The following CHLSN variants were observed in gnomAD, a reference collection of about 807,000 sequenced individuals.
CHLSN encodes the protein protein cholesin.
chr7:1,006,164 G>T, the CHLSN span, among the ~76,000 whole-genome samples: 2 of 152,220 alleles, frequency 1.3e-5, no homozygotes, highest in African/African-American at 4.8e-5. Flanking sequence ...GAAAGTGGAG[G>T]GACTGCTTCC....
chr7:1,078,580 C>A, the CHLSN span, among the ~76,000 whole-genome samples: 25 of 152,192 alleles, frequency 1.6e-4, no homozygotes, highest in South Asian at 8.3e-4. Flanking sequence ...TAACGCCCCC[C>A]ACGCCGGTTC....
At chr7:986,578 C>A in the CHLSN span, 1 of 1,603,340 alleles carries the variant, frequency 6.2e-7, no homozygotes, top group South Asian at 1.1e-5. Flanking sequence ...CAGCGTGCAG[C>A]CCTGGGGCTG....
chr7:1,132,738 GAAAATACC>G, the CHLSN span, among the ~76,000 whole-genome samples: 3 of 112,952 alleles, frequency 2.7e-5, no homozygotes, highest in Non-Finnish European at 1.7e-5. Context: ...TAGTATTGGA[GAAAATACC>G]TGCAAATCAC....
chr7:993,066 G>A, the CHLSN span, among the ~76,000 whole-genome samples: 6 of 152,190 alleles, frequency 3.9e-5, no homozygotes, highest in East Asian at 1.2e-3. Flanking sequence ...GCTTGGAGGA[G>A]TCTGTAGGAT....
the CHLSN span, chr7:984,352 G>A: frequency 6.8e-7 from 1 of 1,466,712 alleles, no homozygotes; most frequent in Non-Finnish European, 8.9e-7. Flanking sequence ...CGGCCTGAGG[G>A]GACCTAAGGG....
At chr7:984,361 G>T in the CHLSN span, 1 of 1,535,770 alleles carries the variant, frequency 6.5e-7, no homozygotes. Flanking sequence ...GGGACCTAAG[G>T]GGGGTCTTGT....
At chr7:993,703 G>A in the CHLSN span, among the ~76,000 whole-genome samples, 3 of 152,200 alleles carry the variant, frequency 2.0e-5, no homozygotes, top group Admixed American at 1.3e-4. Context: ...CTGAGCCCAG[G>A]GGGGTGGAGG....
the CHLSN span, among the ~76,000 whole-genome samples, chr7:1,087,833 A>T: frequency 6.6e-6 from 1 of 152,240 alleles, no homozygotes; most frequent in South Asian, 2.1e-4. Flanking sequence ...ACCCAGGAGG[A>T]CAGGTTATTG....
At chr7:985,176 C>A in the CHLSN span, 2 of 1,577,476 alleles carry the variant, frequency 1.3e-6, no homozygotes, top group Admixed American at 3.7e-5. Flanking sequence ...GCCGGCCCTT[C>A]CCGCTGGCCC....
the CHLSN span, among the ~76,000 whole-genome samples, chr7:1,038,020 G>A: frequency 5.8e-4 from 54 of 92,556 alleles, no homozygotes; most frequent in Middle Eastern, 7.9e-3. Flanking sequence ...CAACCACCCC[G>A]TCTGAGAAGT....
At chr7:1,031,852 G>A in the CHLSN span, among the ~76,000 whole-genome samples, 5 of 151,036 alleles carry the variant, frequency 3.3e-5, no homozygotes, top group African/African-American at 1.2e-4. Flanking sequence ...GCAGAGACCT[G>A]CAGGGAGGGC....
At chr7:1,101,227 A>G in the CHLSN span, among the ~76,000 whole-genome samples, 5 of 152,234 alleles carry the variant, frequency 3.3e-5, no homozygotes, top group African/African-American at 1.2e-4. Flanking sequence ...GATTTCTGCC[A>G]TTGTCTGGTG....
chr7:1,129,191 G>A, the CHLSN span, among the ~76,000 whole-genome samples: 5 of 16,544 alleles, frequency 3.0e-4, 1 homozygote, highest in East Asian at 1.4e-3. Flanking sequence ...GCGCGATCTC[G>A]GCTCATCCCA....
At chr7:986,887 T>C in the CHLSN span, 1 of 1,386,034 alleles carries the variant, frequency 7.2e-7, no homozygotes, top group African/African-American at 1.5e-5. Context: ...TCCATACCGG[T>C]CCTGCACCAA....
chr7:1,004,617 G>A, the CHLSN span, among the ~76,000 whole-genome samples: 1 of 152,194 alleles, frequency 6.6e-6, no homozygotes, highest in South Asian at 2.1e-4. Flanking sequence ...CACTGGGGGA[G>A]CAGACACAGC....
the CHLSN span, chr7:1,092,619 T>C: frequency 9.3e-6 from 15 of 1,612,296 alleles, no homozygotes; most frequent in East Asian, 1.8e-4. Context: ...GCAAGCAGTC[T>C]TTCCGCCATG....
chr7:1,058,521 GC>G, the CHLSN span: 1 of 776,476 alleles, frequency 1.3e-6, no homozygotes, highest in Non-Finnish European at 2.4e-6. Context: ...GGCGTAGGCG[GC>G]CCAGCCCTCC....
chr7:1,114,097 C>T, the CHLSN span, among the ~76,000 whole-genome samples: 1 of 152,250 alleles, frequency 6.6e-6, no homozygotes, highest in African/African-American at 2.4e-5. Flanking sequence ...CAAGCTTTCC[C>T]ACTGTAGCAA....
the CHLSN span, chr7:984,512 C>T: frequency 1.9e-6 from 3 of 1,552,744 alleles, no homozygotes; most frequent in South Asian, 2.4e-5. Context: ...CTGGCGGGCC[C>T]CGGGCAGGAG....
Sources: allele counts gnomAD v4.1 joint callset (sites outside exome capture counted in the v4.1 genomes callset), GRCh38; gene constraint gnomAD v4.1.1; transcripts MANE v1.5; gene names NCBI Gene and HGNC (gene_info 2026-07-23, HGNC 2026-07-21).